Variants in RAB3C observed in about 807,000 individuals in gnomAD.
RAB3C encodes ras-related protein Rab-3C.
A neutral mutation model predicts 26.4 loss-of-function variants in RAB3C; 17 were observed. The ratio of observed to expected loss-of-function variants is 0.64; its 90% CI spans 0.44 to 0.97. The LOEUF (loss-of-function observed/expected upper bound fraction) is 0.97. RAB3C is among the 50% of genes least tolerant of loss of function. The pLI is 0.00. For synonymous variants in RAB3C, 91 were observed against 95.9 expected, an observed-to-expected ratio of 0.95 and a Z score of 0.30; for missense variants, 242 against 281.9, an observed-to-expected ratio of 0.86 and a Z score of 1.01.
intron 2 of RAB3C, among the ~76,000 whole-genome samples, chr5:58,631,405 T>C (rs1214952410): frequency 1.3e-5 from 2 of 152,230 alleles, no homozygotes; most frequent in African/African-American, 4.8e-5. Context: ...TCAAAGTTTA[T>C]CAGAAGCTAA....
At chr5:58,735,220 A>C (rs1163678945) in intron 3 of RAB3C, among the ~76,000 whole-genome samples, 1 of 152,168 alleles carries the variant, frequency 6.6e-6, no homozygotes, top group Admixed American at 6.5e-5. Context: ...CACTAAATAC[A>C]CTGTGAAAGG....
At chr5:58,783,415 C>G (rs928936696) in intron 3 of RAB3C, among the ~76,000 whole-genome samples, 12 of 152,102 alleles carry the variant, frequency 7.9e-5, no homozygotes, top group African/African-American at 2.7e-4. Context: ...TCATTTAGAA[C>G]AGAAAGCTTT....
intron 3 of RAB3C, among the ~76,000 whole-genome samples, chr5:58,762,457 C>G (rs1176475915): frequency 2.6e-5 from 4 of 152,178 alleles, no homozygotes; most frequent in African/African-American, 4.8e-5. Context: ...TTCTGGGAGG[C>G]CGAGGCAAGT....
intron 3 of RAB3C, among the ~76,000 whole-genome samples, chr5:58,787,129 C>T (rs1742409455): frequency 6.6e-6 from 1 of 152,228 alleles, no homozygotes; most frequent in African/African-American, 2.4e-5. Context: ...GAGCCCCACA[C>T]ATCTCCGGAT....
At chr5:58,623,109 T>C (rs1746970290) in intron 2 of RAB3C, among the ~76,000 whole-genome samples, 1 of 152,240 alleles carries the variant, frequency 6.6e-6, no homozygotes, top group Non-Finnish European at 1.5e-5. Flanking sequence ...GAGCACTTTG[T>C]GCATTATCTG....
At chr5:58,750,066 T>G (rs1489860921) in intron 3 of RAB3C, among the ~76,000 whole-genome samples, 2 of 152,200 alleles carry the variant, frequency 1.3e-5, no homozygotes, top group Non-Finnish European at 2.9e-5. Flanking sequence ...ATGTATAGTA[T>G]ATTTGTTTTC....
At chr5:58,750,058 G>A (rs1387412584) in intron 3 of RAB3C, among the ~76,000 whole-genome samples, 2 of 152,040 alleles carry the variant, frequency 1.3e-5, no homozygotes, top group African/African-American at 4.8e-5. Context: ...TTTATTAAAT[G>A]TATAGTATAT....
intron 3 of RAB3C, among the ~76,000 whole-genome samples, chr5:58,794,866 G>A (rs1742608953): frequency 6.6e-6 from 1 of 152,172 alleles, no homozygotes; most frequent in Non-Finnish European, 1.5e-5. Context: ...TTACTCCTAG[G>A]GATTCCCCTT....
At chr5:58,832,853 C>T (rs146738873) in intron 4 of RAB3C, among the ~76,000 whole-genome samples, 7 of 152,196 alleles carry the variant, frequency 4.6e-5, no homozygotes, top group South Asian at 4.1e-4. Context: ...ATCAAAAACT[C>T]GGGCTTTGTC....
intron 2 of RAB3C, among the ~76,000 whole-genome samples, chr5:58,656,729 G>A (rs951226560): frequency 6.6e-6 from 1 of 152,142 alleles, no homozygotes; most frequent in African/African-American, 2.4e-5. Flanking sequence ...TGAGGAGAGG[G>A]GACAGAGGGT....
chr5:58,627,353 T>TTAAATTCGGTGCAAATTA (rs557291106), intron 2 of RAB3C, among the ~76,000 whole-genome samples: 2 of 139,818 alleles, frequency 1.4e-5, no homozygotes, highest in East Asian at 2.0e-4. Context: ...TAAACACAGC[T>TTAAATTCGGTGCAAATTA]ACTCGGGAGG....
intron 3 of RAB3C, among the ~76,000 whole-genome samples, chr5:58,821,535 A>G (rs1721738526): frequency 6.6e-6 from 1 of 152,208 alleles, no homozygotes; most frequent in African/African-American, 2.4e-5. Flanking sequence ...TTAAGTGAGG[A>G]AAAAGAATAG....
chr5:58,719,560 T>C (rs1254139137), intron 2 of RAB3C, among the ~76,000 whole-genome samples: 2 of 151,954 alleles, frequency 1.3e-5, no homozygotes, highest in African/African-American at 4.8e-5. Flanking sequence ...AGGCACAAAC[T>C]GGGTGGCTTA....
At chr5:58,713,014 C>G (rs1352417718) in intron 2 of RAB3C, among the ~76,000 whole-genome samples, 1 of 152,094 alleles carries the variant, frequency 6.6e-6, no homozygotes, top group Non-Finnish European at 1.5e-5. Flanking sequence ...AATAAACACA[C>G]ATACTAAGTA....
intron 3 of RAB3C, among the ~76,000 whole-genome samples, chr5:58,777,591 C>T (rs991654325): frequency 6.7e-6 from 1 of 149,898 alleles, no homozygotes; most frequent in African/African-American, 2.5e-5. Flanking sequence ...AAGGAAAGAC[C>T]ATGTTTTTTT....
intron 3 of RAB3C, among the ~76,000 whole-genome samples, chr5:58,807,092 A>G (rs1742957649): frequency 6.6e-6 from 1 of 152,224 alleles, no homozygotes; most frequent in African/African-American, 2.4e-5. Context: ...ATGGGAAAAT[A>G]AAAATAACAA....
chr5:58,591,049 G>A (rs1746117541), intron 1 of RAB3C, among the ~76,000 whole-genome samples: 1 of 152,092 alleles, frequency 6.6e-6, no homozygotes, highest in Non-Finnish European at 1.5e-5. Flanking sequence ...AAATACTTGG[G>A]TATTTTTACA....
At chr5:58,700,371 G>A (rs565560580) in intron 2 of RAB3C, among the ~76,000 whole-genome samples, 4 of 152,212 alleles carry the variant, frequency 2.6e-5, no homozygotes, top group Non-Finnish European at 5.9e-5. Flanking sequence ...TGAGGGGGAT[G>A]GCGAGAAGCA....
chr5:58,588,873 C>T (rs1453590617), intron 1 of RAB3C, among the ~76,000 whole-genome samples: 1 of 152,052 alleles, frequency 6.6e-6, no homozygotes, highest in Non-Finnish European at 1.5e-5. Flanking sequence ...TAGTTTATTT[C>T]TTCCTTCCCA....
Sources: allele counts gnomAD v4.1 joint callset (sites outside exome capture counted in the v4.1 genomes callset), GRCh38; gene constraint gnomAD v4.1.1; transcripts MANE v1.5; gene names NCBI Gene and HGNC (gene_info 2026-07-23, HGNC 2026-07-21).